Variants in ZNF503 observed in about 807,000 individuals in gnomAD.
ZNF503 encodes NocA-like zinc finger 2.
In ZNF503, 15 loss-of-function variants were observed where a neutral mutation model predicts 34.4. The ratio of observed to expected loss-of-function variants is 0.44; its 90% CI spans 0.29 to 0.67. The LOEUF is 0.67. Ranked by LOEUF, ZNF503 falls within the 30% of genes least tolerant of loss-of-function variation. The pLI, the probability that ZNF503 is intolerant of heterozygous loss-of-function variation, is 0.13. For missense variants in ZNF503, 1,007 were observed against 926.8 expected, an observed-to-expected ratio of 1.09 and a Z score of -1.12; for synonymous variants, 580 against 456.8, an observed-to-expected ratio of 1.27 and a Z score of -3.44.
chr10:75,382,168 G>A, the ZNF503 span, among the ~76,000 whole-genome samples: 1 of 151,998 alleles, frequency 6.6e-6, no homozygotes, highest in Admixed American at 6.6e-5. Flanking sequence ...AGCCAAAATG[G>A]TGGTAGTCAA....
chr10:75,381,632 A>G, the ZNF503 span, among the ~76,000 whole-genome samples: 38 of 152,104 alleles, frequency 2.5e-4, no homozygotes, highest in African/African-American at 8.7e-4. Flanking sequence ...CCATGTGAAG[A>G]GGATAGTGGA....
the ZNF503 span, among the ~76,000 whole-genome samples, chr10:75,342,990 G>C: frequency 6.6e-6 from 1 of 152,182 alleles, no homozygotes; most frequent in Non-Finnish European, 1.5e-5. Context: ...TAATCTGAGG[G>C]GTCAGGGGAG....
the ZNF503 span, among the ~76,000 whole-genome samples, chr10:75,381,127 C>T: frequency 6.6e-6 from 1 of 152,196 alleles, no homozygotes; most frequent in Non-Finnish European, 1.5e-5. Context: ...TCTCTTGTAG[C>T]TAGATGGGTC....
chr10:75,372,308 C>T, the ZNF503 span, among the ~76,000 whole-genome samples: 1 of 152,288 alleles, frequency 6.6e-6, no homozygotes, highest in African/African-American at 2.4e-5. Context: ...CTCTTATGTG[C>T]CCAGAAGCAC....
the ZNF503 span, among the ~76,000 whole-genome samples, chr10:75,312,551 C>T: frequency 6.6e-6 from 1 of 151,904 alleles, no homozygotes; most frequent in African/African-American, 2.4e-5. Context: ...GAGAGTGGGC[C>T]TAAAAAAGTT....
At chr10:75,360,653 G>T in the ZNF503 span, 1 of 152,244 alleles carries the variant, frequency 6.6e-6, no homozygotes, top group Non-Finnish European at 1.5e-5. Context: ...ACTTTGGAAG[G>T]TAATGTTCTA....
chr10:75,398,556 G>A lies in ZNF503; in HGVS notation c.*193C>T. On this transcript the variant is annotated 3_prime_UTR_variant, in exon 2 of 2. Coordinates refer to ENST00000372524, the MANE Select transcript of ZNF503 (RefSeq NM_032772.6). ...AGTTTGGGTGGGGAGGTGAAAGTGG[G>A]GAGAAGGGGAGTGTCCCACCGGGTC... is the stretch of plus-strand genomic sequence containing the variant. 2.4e-6 allele frequency: 1 copy of A among 422,416 alleles called. No homozygotes were observed. The highest frequency in any genetic ancestry group is 4.0e-6 in the Non-Finnish European group (1 of 248,864). The allele number at this position is 422,416 out of a possible 1,614,324, so 26.2% of individuals were successfully genotyped here. A position where few individuals can be genotyped will look rare whatever the true frequency, so the allele number is the denominator to read the frequency against.
the ZNF503 span, among the ~76,000 whole-genome samples, chr10:75,379,941 G>A: frequency 6.6e-5 from 10 of 152,168 alleles, no homozygotes; most frequent in Non-Finnish European, 8.8e-5. Context: ...GGGTGGGAGG[G>A]GGTGCACGCC....
At chr10:75,376,058 A>G in the ZNF503 span, among the ~76,000 whole-genome samples, 1 of 152,314 alleles carries the variant, frequency 6.6e-6, no homozygotes. Context: ...CCTCCAGAAT[A>G]CATGCTGCTT....
chr10:75,328,509 G>T, the ZNF503 span, among the ~76,000 whole-genome samples: 7 of 152,038 alleles, frequency 4.6e-5, no homozygotes, highest in Admixed American at 4.6e-4. Flanking sequence ...TAGCTTGTAG[G>T]ATATTTTGAA....
chr10:75,381,835 TG>T, the ZNF503 span, among the ~76,000 whole-genome samples: 1 of 142,010 alleles, frequency 7.0e-6, no homozygotes, highest in African/African-American at 2.7e-5. Context: ...TTTTTTTTTT[TG>T]AGACGGTCTC....
intron 1 of ZNF503, 105 bp from the exon 2 acceptor site, chr10:75,400,479 G>A (rs1441076889): frequency 1.4e-6 from 2 of 1,447,682 alleles, no homozygotes; most frequent in Non-Finnish European, 1.8e-6. Flanking sequence ...AACAGCCCAC[G>A]AAGATCCTCC....
the ZNF503 span, among the ~76,000 whole-genome samples, chr10:75,298,371 C>A: frequency 6.6e-6 from 1 of 152,194 alleles, no homozygotes; most frequent in Non-Finnish European, 1.5e-5. Flanking sequence ...TCCCTTTAGT[C>A]CTGGAAATCA....
At chr10:75,383,966 G>A in the ZNF503 span, among the ~76,000 whole-genome samples, 3 of 152,334 alleles carry the variant, frequency 2.0e-5, no homozygotes, top group East Asian at 1.9e-4. Flanking sequence ...AACTCTCAGG[G>A]TGTGTAGTCA....
the ZNF503 span, among the ~76,000 whole-genome samples, chr10:75,372,627 C>T: frequency 6.6e-6 from 1 of 152,204 alleles, no homozygotes; most frequent in Admixed American, 6.5e-5. Flanking sequence ...TGAACCCAAA[C>T]ACTGGGAGCA....
At chr10:75,385,002 G>C in the ZNF503 span, among the ~76,000 whole-genome samples, 1 of 152,178 alleles carries the variant, frequency 6.6e-6, no homozygotes, top group Non-Finnish European at 1.5e-5. Flanking sequence ...CCAGTTCTCT[G>C]CTACCAGACC....
rs1300453762 is a variant in ZNF503 at position 75,398,415 on chromosome 10, C to T, written c.*334G>A. ...TTTTGAACCACCGGTCCGCTTGGAG[C>T]TAACATAAATAAATACCAGTGTCCA... is the stretch of plus-strand genomic sequence containing the variant. On this transcript the variant is annotated 3_prime_UTR_variant, in exon 2 of 2. Transcript: ENST00000372524. The T allele has an allele frequency of 4.6e-6, 1 of 219,418 alleles. No homozygotes were observed. The highest frequency in any genetic ancestry group is 2.3e-5 in the African/African-American group (1 of 44,056). The allele number at this position is 219,418 out of a possible 1,614,324, so 13.6% of individuals were successfully genotyped here.
At chr10:75,385,298 T>C in the ZNF503 span, among the ~76,000 whole-genome samples, 9 of 152,358 alleles carry the variant, frequency 5.9e-5, no homozygotes, top group South Asian at 1.0e-3. Flanking sequence ...AAAGTGATAC[T>C]GGCCTGTCTC....
chr10:75,324,342 A>G, the ZNF503 span, among the ~76,000 whole-genome samples: 17 of 147,810 alleles, frequency 1.2e-4, no homozygotes, highest in African/African-American at 3.7e-4. Context: ...TTTTTTTGAG[A>G]CAGGGTCTCG....
Sources: gnomAD v4.1 joint callset for allele counts (sites outside exome capture counted in the v4.1 genomes callset) on GRCh38, gnomAD v4.1.1 for gene constraint, MANE v1.5 for transcripts, NCBI Gene and HGNC (gene_info 2026-07-23, HGNC 2026-07-21) for gene names.